The following IL20RB variants were observed in gnomAD, a reference collection of about 807,000 sequenced individuals.
The protein encoded by IL20RB is interleukin 20 receptor subunit beta, also known as interleukin-20 receptor subunit beta.
A neutral mutation model predicts 33.3 loss-of-function variants in IL20RB; 21 were observed. That is an observed-to-expected ratio of 0.63 (90% CI 0.45 to 0.91). The LOEUF (loss-of-function observed/expected upper bound fraction) is 0.91, where lower values mean the gene tolerates loss of function less well. Ranked by LOEUF, IL20RB falls within the 40% of genes least tolerant of loss-of-function variation. The probability of loss-of-function intolerance (pLI) is 0.00; values close to 1 mark genes in which losing one functional copy is unlikely to be tolerated. For synonymous variants in IL20RB, 147 were observed against 146.8 expected (o/e 1.00, Z -0.01); for missense variants, 345 against 384.8 (o/e 0.90, Z 0.86).
rs10540948 is a variant in IL20RB at position 136,960,138 on chromosome 3, CTTTTTTTTTTTTTTTTTT to C, written c.88+1950_88+1967del. 8.3e-5 allele frequency among the ~76,000 whole-genome samples: 3 copies of C among 36,154 alleles called. No individual in the cohort carries two copies. The Admixed American group carries it at 1.5e-3, about 19-fold the overall frequency. 23.7% of individuals were successfully genotyped at this position (36,154 alleles called of 152,430 possible). ...ACTGGGCAGATGGGTAGAGTTGTGGCTTTTTTTTTTTTTTTTTTTTTTTTTTTTTTGACCGAGTCTCGT... is the reference window on the plus strand; with the variant it reads ...ACTGGGCAGATGGGTAGAGTTGTGGCTTTTTTTTTTTTGACCGAGTCTCGT... On this transcript the variant is annotated intron_variant, in intron 1 of 6. Transcript: ENST00000329582.
chr3:136,997,995 C>T (rs1019207750), intron 6 of IL20RB, among the ~76,000 whole-genome samples: 1 of 152,054 alleles, frequency 6.6e-6, no homozygotes, highest in East Asian at 1.9e-4. Flanking sequence ...GTCTTGAATT[C>T]CTGACCTCAG....
At position 137,010,199 on chromosome 3, in the gene IL20RB, A is replaced by G. The variant is rs780179794; in HGVS notation, c.912A>G (p.Glu304=). The change falls in exon 7 of 7, where the codon GAA becomes GAG. Residue 304 remains glutamate, a synonymous_variant. Transcript: ENST00000329582. Reference sequence around the variant, plus strand: ...CCACGGCTGTGATGTCTCCTGAGGAACTCCTCAGGGCCTGGATCTCATAGG... The same window carrying G: ...CCACGGCTGTGATGTCTCCTGAGGAGCTCCTCAGGGCCTGGATCTCATAGG... ...ACATAVMSPE[E]LLRAWIS 1.9e-6 allele frequency: 3 copies of G among 1,576,550 alleles called. No homozygotes were observed. The highest frequency in any genetic ancestry group is 2.6e-6 in the Non-Finnish European group (3 of 1,145,754).
At chr3:136,975,880 A>C (rs1023634895) in intron 1 of IL20RB, among the ~76,000 whole-genome samples, 1 of 152,162 alleles carries the variant, frequency 6.6e-6, no homozygotes, top group Non-Finnish European at 1.5e-5. Flanking sequence ...GGGCCTCCAC[A>C]TGGCTTGCTT....
At chr3:136,982,413 C>A (rs1941799468) in intron 3 of IL20RB, 63 bp downstream of exon 3, 25 of 1,221,700 alleles carry the variant, frequency 2.0e-5, no homozygotes, top group Non-Finnish European at 2.9e-5. Context: ...ACCATGTTCA[C>A]CTAAACTTTC....
intron 1 of IL20RB, among the ~76,000 whole-genome samples, chr3:136,961,170 T>C (rs2108169663): frequency 6.6e-6 from 1 of 152,344 alleles, no homozygotes; most frequent in South Asian, 2.1e-4. Flanking sequence ...CTTAATTTAC[T>C]TGTTTAACTT....
At chr3:136,963,173 A>G (rs1313569915) in intron 1 of IL20RB, among the ~76,000 whole-genome samples, 1 of 152,196 alleles carries the variant, frequency 6.6e-6, no homozygotes, top group Admixed American at 6.5e-5. Context: ...TCCCCCTTCC[A>G]TGGTATGAAT....
intron 1 of IL20RB, chr3:136,980,217 G>A (rs1941732925): frequency 1.9e-6 from 1 of 514,644 alleles, no homozygotes; most frequent in Non-Finnish European, 3.5e-6. Context: ...GAATTATAAT[G>A]GTGGTACCCA....
chr3:136,982,022 T>G, intron 2 of IL20RB, 138 bp from the exon 3 acceptor site: 1 of 506,574 alleles, frequency 2.0e-6, no homozygotes, highest in Non-Finnish European at 3.5e-6. Flanking sequence ...GGGAGGAGAG[T>G]GGAGGAGCTA....
At chr3:136,987,833 G>A (rs1358496511) in intron 3 of IL20RB, among the ~76,000 whole-genome samples, 1 of 152,226 alleles carries the variant, frequency 6.6e-6, no homozygotes. Context: ...TGGCCCGGGT[G>A]CTAAGCCCCT....
At chr3:136,994,225 G>A (rs1942085204) in intron 5 of IL20RB, among the ~76,000 whole-genome samples, 1 of 152,132 alleles carries the variant, frequency 6.6e-6, no homozygotes, top group African/African-American at 2.4e-5. Flanking sequence ...ACAATAGGAT[G>A]ACTATAGTCA....
Position 136,995,549 on chromosome 3 carries a change from A to T in IL20RB, c.818A>T (p.Asp273Val). ...TGTTGCCCCGTGGTGGTCCTCCCAG[A>T]CACCTTGGTAATAGAGTAGTTCTTT... ...YSCCPVVVLP[D>V]TLKITNSPQK... Residue 273 changes from aspartate to valine, a missense_variant, in exon 6 of 7, where the codon GAC (aspartate) becomes GTC (valine). Coordinates refer to ENST00000329582, the MANE Select transcript of IL20RB (RefSeq NM_144717.4). 1 of 1,614,120 alleles carries T rather than the reference A, an allele frequency of 6.2e-7. No homozygotes were observed. Among genetic ancestry groups the T allele is most frequent in the Non-Finnish European group, 8.5e-7 (1 of 1,180,020 alleles).
intron 1 of IL20RB, among the ~76,000 whole-genome samples, chr3:136,972,275 G>T (rs967918095): frequency 1.3e-5 from 2 of 152,096 alleles, no homozygotes; most frequent in Admixed American, 1.3e-4. Context: ...CCCATTCAAC[G>T]GATTGTCTCT....
At chr3:137,009,444 C>A (rs542438203) in intron 6 of IL20RB, among the ~76,000 whole-genome samples, 1 of 152,302 alleles carries the variant, frequency 6.6e-6, no homozygotes, top group Non-Finnish European at 1.5e-5. Context: ...GGAACATCCT[C>A]TCTGTATTGG....
intron 6 of IL20RB, among the ~76,000 whole-genome samples, chr3:137,007,277 C>T (rs1358864710): frequency 6.6e-6 from 1 of 152,142 alleles, no homozygotes; most frequent in Non-Finnish European, 1.5e-5. Context: ...TCTGTCTGTT[C>T]TCGGAGGTCA....
Position 136,982,183 on chromosome 3 carries a change from G to A in IL20RB, c.239G>A (p.Ser80Asn). ...AGGGAGTACGAGAGCCTGTACACGAGCCACATCTGGATCCCCAGCAGCTGG... is the reference window on the plus strand; with the variant it reads ...AGGGAGTACGAGAGCCTGTACACGAACCACATCTGGATCCCCAGCAGCTGG... Reference protein sequence around the residue: ...YQGEYESLYTSHIWIPSSWCS... With the variant: ...YQGEYESLYTNHIWIPSSWCS... Residue 80 changes from serine (S) to asparagine (N), a missense_variant, in exon 3 of 7, where the codon AGC (serine) becomes AAC (asparagine). Coordinates refer to ENST00000329582, the MANE Select transcript of IL20RB (RefSeq NM_144717.4). The A allele has an allele frequency of 1.9e-6, 3 of 1,594,622 alleles. No individual in the cohort carries two copies. The highest frequency in any genetic ancestry group is 8.6e-7 in the Non-Finnish European group (1 of 1,164,820).
intron 6 of IL20RB, among the ~76,000 whole-genome samples, chr3:137,003,851 G>T (rs1270793551): frequency 6.6e-6 from 1 of 152,120 alleles, no homozygotes; most frequent in African/African-American, 2.4e-5. Context: ...GTTTTTAAAA[G>T]GAATGCTTCC....
At chr3:136,983,301 T>A (rs1941826621) in intron 3 of IL20RB, among the ~76,000 whole-genome samples, 1 of 152,178 alleles carries the variant, frequency 6.6e-6, no homozygotes, top group African/African-American at 2.4e-5. Flanking sequence ...TTTTCCAGGC[T>A]GGTCTGGAAC....
chr3:136,980,678 C>CTTTTT, intron 2 of IL20RB, 86 bp downstream of exon 2: 1 of 1,418,670 alleles, frequency 7.0e-7, no homozygotes, highest in Admixed American at 1.7e-5. Context: ...CCCAAGGTGG[C>CTTTTT]TTTTTGAGTC....
intron 1 of IL20RB, among the ~76,000 whole-genome samples, chr3:136,970,948 G>A (rs1245794795): frequency 6.6e-6 from 1 of 151,982 alleles, no homozygotes; most frequent in Non-Finnish European, 1.5e-5. Flanking sequence ...CGCTGTGCCT[G>A]GCCTTATTTT....
Sources: allele counts gnomAD v4.1 joint callset (sites outside exome capture counted in the v4.1 genomes callset), GRCh38; gene constraint gnomAD v4.1.1; transcripts MANE v1.5; gene names NCBI Gene and HGNC (gene_info 2026-07-23, HGNC 2026-07-21).